ZNF469: variants seen among roughly 807,000 people sequenced by gnomAD.
The protein encoded by ZNF469 is zinc finger protein 469.
A neutral mutation model predicts 1.0 loss-of-function variants in ZNF469; 1 was observed. The observed-to-expected ratio is 1.00, with a 90% CI of 0.35 to 4.73. The LOEUF (loss-of-function observed/expected upper bound fraction) is 4.73, where lower values mean the gene tolerates loss of function less well. Among genes scored for constraint, ZNF469 ranks in the 30% most tolerant of loss-of-function variants. The pLI is 0.16. For synonymous variants in ZNF469, 2,703 were observed against 2,363.4 expected, an observed-to-expected ratio of 1.14 and a Z score of -4.17; for missense variants, 6,100 against 5,356.3, an observed-to-expected ratio of 1.14 and a Z score of -4.33.
chr16:88,222,286 G>GT, the ZNF469 span, among the ~76,000 whole-genome samples: 2 of 151,550 alleles, frequency 1.3e-5, no homozygotes, highest in African/African-American at 2.4e-5. Flanking sequence ...TCTTTGTTTT[G>GT]TTTGTTTGTT....
the ZNF469 span, among the ~76,000 whole-genome samples, chr16:88,209,177 G>A: frequency 1.6e-3 from 237 of 152,110 alleles, no homozygotes; most frequent in African/African-American, 5.5e-3. Context: ...ACATCTATTC[G>A]GAGAAATGTC....
chr16:88,433,437 C>T lies in ZNF469; in HGVS notation c.5967C>T (p.Ala1989=), dbSNP rs955767732. Residue 1989 remains alanine (A), a synonymous_variant, in exon 3 of 3, where the codon GCC becomes GCT. Coordinates refer to ENST00000565624, the MANE Select transcript of ZNF469 (RefSeq NM_001367624.2). ...GACATTGGGGCTTGCTTGGCCAAGC[C>T]GAGAAAACCCAGGGCCAAGGCACAG... ...ADGHWGLLGQ[A]EKTQGQGTAN... 39 of 1,550,356 alleles carry T rather than the reference C, an allele frequency of 2.5e-5. No individual in the cohort carries two copies. Among genetic ancestry groups the T allele is most frequent in the African/African-American group, 4.1e-5 (3 of 73,172 alleles).
the ZNF469 span, among the ~76,000 whole-genome samples, chr16:88,323,404 C>T: frequency 2.0e-4 from 30 of 152,332 alleles, no homozygotes; most frequent in African/African-American, 7.2e-4. Flanking sequence ...AACTCTAATG[C>T]CAGAAACCAC....
the ZNF469 span, among the ~76,000 whole-genome samples, chr16:88,165,465 C>T: frequency 6.6e-6 from 1 of 152,156 alleles, no homozygotes. Context: ...CTTCCAGAAA[C>T]TGGGAATGCA....
the ZNF469 span, among the ~76,000 whole-genome samples, chr16:88,226,534 G>C: frequency 6.6e-6 from 1 of 152,268 alleles, no homozygotes; most frequent in South Asian, 2.1e-4. Context: ...CCGGAGTTGG[G>C]AGAGAGGAGT....
intron 1 of ZNF469, among the ~76,000 whole-genome samples, chr16:88,423,134 AGATG>A (rs1348263894): frequency 3.6e-4 from 3 of 8,422 alleles, no homozygotes; most frequent in African/African-American, 5.8e-4. Flanking sequence ...ATGGATGGAT[AGATG>A]GATGGATGGG....
Position 88,428,222 on chromosome 16 carries a change from C to G in ZNF469, c.752C>G (p.Pro251Arg). Residue 251 changes from proline (P) to arginine (R), a missense_variant, in exon 3 of 3, where the codon CCC becomes CGC. By Grantham distance (103) the Pro-to-Arg change is moderately radical (BLOSUM62 -2). Transcript: ENST00000565624. ...NSFPGANFGV[P>R]PAEPEPIPKG... ...TTCCCAGGTGCTAATTTCGGGGTTCCCCCCGCCGAGCCGGAACCTATTCCC... is the reference window on the plus strand; with the variant it reads ...TTCCCAGGTGCTAATTTCGGGGTTCGCCCCGCCGAGCCGGAACCTATTCCC... 6.5e-7 allele frequency: 1 copy of G among 1,550,312 alleles called. No homozygotes were observed. Among genetic ancestry groups the G allele is most frequent in the Non-Finnish European group, 8.7e-7 (1 of 1,146,938 alleles).
At chr16:88,237,565 GCCCTCCGTGCTCCTGCCACT>G in the ZNF469 span, among the ~76,000 whole-genome samples, 3 of 96,358 alleles carry the variant, frequency 3.1e-5, no homozygotes, top group South Asian at 4.1e-4. Context: ...CACCCTCCCT[GCCCTCCGTGCTCCTGCCACT>G]CACCCTCCCT....
chr16:88,197,343 G>A, the ZNF469 span, among the ~76,000 whole-genome samples: 69 of 152,292 alleles, frequency 4.5e-4, no homozygotes, highest in African/African-American at 1.6e-3. Context: ...GAGCAGGAGC[G>A]AGCAGGGGCA....
intron 1 of ZNF469, among the ~76,000 whole-genome samples, chr16:88,420,899 C>T (rs1905436475): frequency 6.6e-6 from 1 of 152,170 alleles, no homozygotes; most frequent in African/African-American, 2.4e-5. Flanking sequence ...GTGGGGCTGG[C>T]CCCAAAGCCC....
In ZNF469 at chr16:88,431,053, C is replaced by G; in HGVS notation, c.3583C>G (p.Pro1195Ala). The G allele has an allele frequency of 1.3e-6, 2 of 1,548,784 alleles. No homozygotes were observed. Among genetic ancestry groups the G allele is most frequent in the Non-Finnish European group, 1.7e-6 (2 of 1,146,804 alleles). Residue 1195 changes from proline to alanine, a missense_variant, in exon 3 of 3, where the codon CCC becomes GCC. Pro to Ala is a conservative substitution (Grantham distance 27). Transcript: ENST00000565624. ...REGGPKCADR[P>A]SVAPKDPLQV... ...GGGAGGCCCCAAGTGTGCTGATCGC[C>G]CCTCAGTGGCCCCCAAGGATCCCCT... is the stretch of plus-strand genomic sequence containing the variant.
At chr16:88,349,390 GCACACACACCAGGCAC>G in the ZNF469 span, among the ~76,000 whole-genome samples, 1 of 148,764 alleles carries the variant, frequency 6.7e-6, no homozygotes, top group Non-Finnish European at 1.5e-5. Flanking sequence ...ACACACAAGG[GCACACACACCAGGCAC>G]CACACACACC....
chr16:88,163,342 G>T, the ZNF469 span, among the ~76,000 whole-genome samples: 1 of 147,518 alleles, frequency 6.8e-6, no homozygotes, highest in Non-Finnish European at 1.5e-5. Flanking sequence ...TAGAAGGATG[G>T]ATGGGTTGAT....
chr16:88,128,466 G>A, the ZNF469 span, among the ~76,000 whole-genome samples: 1 of 152,032 alleles, frequency 6.6e-6, no homozygotes. Context: ...AAATACAATC[G>A]ATCCTCCATG....
chr16:88,427,268 G>C (rs1046840407), intron 2 of ZNF469, among the ~76,000 whole-genome samples, 77 bp from the exon 3 acceptor site: 1 of 152,136 alleles, frequency 6.6e-6, no homozygotes, highest in Admixed American at 6.5e-5. Flanking sequence ...CACCCGCATG[G>C]AGAGCCTAGA....
chr16:88,428,876 G>C lies in ZNF469; in HGVS notation c.1406G>C (p.Ser469Thr), dbSNP rs770926082. 1.2e-4 allele frequency: 179 copies of C among 1,548,246 alleles called. 1 individual carries two copies. The African/African-American group carries it at 2.2e-3, about 19-fold the overall frequency. The change falls in exon 3 of 3, where the codon AGC becomes ACC. Residue 469 changes from serine to threonine, a missense_variant. Transcript: ENST00000565624. ...AGTATGTTCTTTAACGGCCAGCCCAGCCCAGGCCAGCGGCTCTGCCTCCCC... is the reference window on the plus strand; with the variant it reads ...AGTATGTTCTTTAACGGCCAGCCCACCCCAGGCCAGCGGCTCTGCCTCCCC... Reference protein sequence around the residue: ...TRSMFFNGQPSPGQRLCLPQS... With the variant: ...TRSMFFNGQPTPGQRLCLPQS...
chr16:88,210,948 A>G, the ZNF469 span, among the ~76,000 whole-genome samples: 1 of 152,188 alleles, frequency 6.6e-6, no homozygotes, highest in African/African-American at 2.4e-5. Context: ...TAAAAAGCTC[A>G]TTGGTATTGG....
At position 88,429,078 on chromosome 16, in the gene ZNF469, C is replaced by T. The variant is rs978404383; in HGVS notation, c.1608C>T (p.Ala536=). The T allele has an allele frequency of 9.7e-6, 15 of 1,549,994 alleles. No homozygotes were observed. Among genetic ancestry groups the T allele is most frequent in the East Asian group, 4.9e-5 (2 of 40,902 alleles). The change falls in exon 3 of 3, where the codon GCC becomes GCT. Residue 536 remains alanine, a synonymous_variant. Coordinates refer to ENST00000565624, the MANE Select transcript of ZNF469 (RefSeq NM_001367624.2). The stretch of plus-strand genomic sequence containing the variant: ...CGGGACCCAGAGAGAAGCTGCCAGC[C>T]GTGAGAAGCAGCCAGGGCGGCTCCC... ...KTPGPREKLP[A]VRSSQGGSPA...
chr16:88,404,943 C>T (rs940946926), intron 1 of ZNF469, among the ~76,000 whole-genome samples: 1 of 152,212 alleles, frequency 6.6e-6, no homozygotes, highest in African/African-American at 2.4e-5. Context: ...TCTATTGGCT[C>T]ACATAACCAG....
Sources: gnomAD v4.1 joint callset for allele counts (sites outside exome capture counted in the v4.1 genomes callset) on GRCh38, gnomAD v4.1.1 for gene constraint, MANE v1.5 for transcripts, NCBI Gene and HGNC (gene_info 2026-07-23, HGNC 2026-07-21) for gene names.